The following FRYL variants were observed in gnomAD, a reference collection of about 807,000 sequenced individuals.
FRYL encodes protein furry homolog-like.
In FRYL, 150 loss-of-function variants were observed where a neutral mutation model predicts 351.2. The observed-to-expected ratio is 0.43, with a 90% confidence interval of 0.37 to 0.49. FRYL has a LOEUF of 0.49. Ranked by LOEUF, FRYL falls within the 20% of genes least tolerant of loss-of-function variation. The pLI is 0.00. For synonymous variants in FRYL, 1,153 were observed against 1,257.1 expected, an observed-to-expected ratio of 0.92 and a Z score of 1.75; for missense variants, 3,036 against 3,619.3, an observed-to-expected ratio of 0.84 and a Z score of 4.13.
In FRYL at chr4:48,579,148, G is replaced by C; in HGVS notation, c.2353C>G (p.Pro785Ala). ...PISHQFDVIS[P>A]SHIWIFAHVT... ...TGTGCAAATATCCATATATGTGATG[G>C]ACTAATCACATCAAACTGGTGGCTA... The change falls in exon 23 of 64, where the codon CCA becomes GCA. Residue 785 changes from proline (P) to alanine (A), a missense_variant. By Grantham distance (27) the Pro-to-Ala change is conservative. Transcript: ENST00000358350. 1 of 1,611,568 alleles carries C rather than the reference G, an allele frequency of 6.2e-7. No individual in the cohort carries two copies. The highest frequency in any genetic ancestry group is 8.5e-7 in the Non-Finnish European group (1 of 1,177,710).
chr4:48,580,837 T>C (rs1740727840), intron 22 of FRYL, 28 bp downstream of exon 22: 2 of 1,441,882 alleles, frequency 1.4e-6, no homozygotes, highest in South Asian at 1.2e-5. Context: ...CAAAACAAGA[T>C]TGGGTAGAAT....
At chr4:48,734,537 A>C (rs1771085366) in intron 1 of FRYL, among the ~76,000 whole-genome samples, 1 of 152,210 alleles carries the variant, frequency 6.6e-6, no homozygotes, top group Admixed American at 6.5e-5. Context: ...GAACTCAACA[A>C]CACCATTAAC....
intron 2 of FRYL, among the ~76,000 whole-genome samples, chr4:48,689,544 TCTATTA>T (rs746783639): frequency 5.9e-5 from 9 of 152,294 alleles, no homozygotes; most frequent in Non-Finnish European, 1.0e-4. Context: ...CTTCTAAAAA[TCTATTA>T]CTATAAGTAC....
At chr4:48,632,111 T>A (rs1333276314) in intron 4 of FRYL, among the ~76,000 whole-genome samples, 7 of 42,380 alleles carry the variant, frequency 1.7e-4, no homozygotes, top group African/African-American at 1.6e-4. Context: ...TATATATATA[T>A]ATATATATAT....
intron 3 of FRYL, among the ~76,000 whole-genome samples, chr4:48,663,209 C>T (rs1761118664): frequency 1.3e-5 from 2 of 151,878 alleles, no homozygotes; most frequent in Middle Eastern, 3.4e-3. Flanking sequence ...GGAGGACAAA[C>T]AGAAGTATAA....
chr4:48,553,918 G>A (rs1181226364), intron 35 of FRYL, among the ~76,000 whole-genome samples: 1 of 152,138 alleles, frequency 6.6e-6, no homozygotes, highest in Non-Finnish European at 1.5e-5. Flanking sequence ...CTCTATCATT[G>A]GAAAGTTGCT....
intron 1 of FRYL, among the ~76,000 whole-genome samples, chr4:48,714,505 T>A (rs1171208508): frequency 2.7e-5 from 4 of 149,172 alleles, no homozygotes; most frequent in African/African-American, 9.8e-5. Flanking sequence ...TCTATGCAAA[T>A]AAACTAGAAA....
chr4:48,745,619 G>A (rs1412836083), intron 1 of FRYL, among the ~76,000 whole-genome samples: 2 of 152,100 alleles, frequency 1.3e-5, no homozygotes, highest in Non-Finnish European at 2.9e-5. Flanking sequence ...GGGGGGAGTG[G>A]GGAAGGATAG....
intron 1 of FRYL, among the ~76,000 whole-genome samples, chr4:48,776,375 T>C (rs1405630888): frequency 1.3e-5 from 2 of 152,172 alleles, no homozygotes; most frequent in Non-Finnish European, 2.9e-5. Flanking sequence ...CTTTTTCTCC[T>C]TTAAACATAA....
intron 3 of FRYL, among the ~76,000 whole-genome samples, chr4:48,648,039 T>G (rs138852677): frequency 2.0e-5 from 3 of 152,176 alleles, no homozygotes; most frequent in Non-Finnish European, 4.4e-5. Flanking sequence ...CTCTTAAATA[T>G]TTCCCATCAC....
At chr4:48,623,096 G>GA (rs763177700) in intron 5 of FRYL, 30 bp downstream of exon 5, 651 of 1,455,454 alleles carry the variant, frequency 4.5e-4, no homozygotes, top group Admixed American at 5.0e-4. Flanking sequence ...ATTTCCAGGG[G>GA]AAAAAAAAAT....
At chr4:48,644,402 T>C (rs1210265592) in intron 3 of FRYL, among the ~76,000 whole-genome samples, 1 of 148,626 alleles carries the variant, frequency 6.7e-6, no homozygotes, top group Non-Finnish European at 1.5e-5. Context: ...ATAACTATAA[T>C]CAAGACATAT....
chr4:48,675,141 G>A (rs1347916259), intron 3 of FRYL, among the ~76,000 whole-genome samples: 3 of 152,162 alleles, frequency 2.0e-5, no homozygotes, highest in Non-Finnish European at 4.4e-5. Context: ...TGCGCCTCCC[G>A]GGTTCACGCC....
At chr4:48,748,223 G>GCAA (rs1467196966) in intron 1 of FRYL, among the ~76,000 whole-genome samples, 1 of 151,886 alleles carries the variant, frequency 6.6e-6, no homozygotes, top group East Asian at 1.9e-4. Context: ...TCCAGCCTGG[G>GCAA]CAACAGAGCG....
chr4:48,746,363 G>A lies in FRYL; in HGVS notation c.-384+33715C>T, dbSNP rs1393447285. 6.6e-5 allele frequency among the ~76,000 whole-genome samples: 10 copies of A among 151,892 alleles called. No homozygotes were observed. The South Asian group carries it at 1.0e-3, about 16-fold the overall frequency. ...GGGCGGATCACGAGGTCAGGAGATC[G>A]AGACCATCCTGGCTAACTAAAAATA... On this transcript the variant is annotated intron_variant, in intron 1 of 63. Transcript: ENST00000358350.
At chr4:48,596,298 TTGA>T (rs1200113969) in intron 13 of FRYL, among the ~76,000 whole-genome samples, 2 of 152,120 alleles carry the variant, frequency 1.3e-5, no homozygotes, top group Non-Finnish European at 2.9e-5. Context: ...ACAAACTTAC[TTGA>T]TGATGAACAG....
intron 4 of FRYL, among the ~76,000 whole-genome samples, chr4:48,630,137 C>T (rs1752665114): frequency 1.3e-5 from 2 of 152,118 alleles, no homozygotes; most frequent in South Asian, 4.1e-4. Flanking sequence ...TCTTTGGGGA[C>T]TCTGACAAGT....
intron 31 of FRYL, among the ~76,000 whole-genome samples, chr4:48,563,494 C>T (rs538698398): frequency 1.4e-4 from 21 of 152,020 alleles, no homozygotes; most frequent in African/African-American, 4.8e-4. Flanking sequence ...AAGTGAGAGG[C>T]CAGGAGTTCA....
chr4:48,608,182 T>C (rs1578326748), intron 9 of FRYL, among the ~76,000 whole-genome samples: 2 of 152,154 alleles, frequency 1.3e-5, no homozygotes, highest in African/African-American at 4.8e-5. Context: ...TCCTAGTATA[T>C]TAAAAATTTT....
Sources: allele counts gnomAD v4.1 joint callset (sites outside exome capture counted in the v4.1 genomes callset), GRCh38; gene constraint gnomAD v4.1.1; transcripts MANE v1.5; gene names NCBI Gene and HGNC (gene_info 2026-07-23, HGNC 2026-07-21).